Variants in TEKT3 observed in about 807,000 individuals in gnomAD.
The protein encoded by TEKT3 is tektin 3, also known as tektin-3.
TEKT3 carries 49 observed loss-of-function variants against 49.8 expected under a neutral mutation model. That is an observed-to-expected ratio of 0.98 (90% CI 0.78 to 1.25). The LOEUF (loss-of-function observed/expected upper bound fraction) is 1.25. Among genes scored for constraint, TEKT3 ranks in the 50% most tolerant of loss-of-function variants. TEKT3 has a pLI of 0.00. For missense variants in TEKT3, 595 were observed against 629.5 expected, an observed-to-expected ratio of 0.95 and a Z score of 0.59; for synonymous variants, 225 against 237.2, an observed-to-expected ratio of 0.95 and a Z score of 0.47.
intron 8 of TEKT3, among the ~76,000 whole-genome samples, chr17:15,307,991 T>C (rs1910614817): frequency 6.6e-6 from 1 of 152,174 alleles, no homozygotes; most frequent in Non-Finnish European, 1.5e-5. Context: ...TAGTGTTTAG[T>C]AGATAAACTG....
intron 4 of TEKT3, among the ~76,000 whole-genome samples, chr17:15,319,600 A>G: frequency 6.6e-6 from 1 of 152,190 alleles, no homozygotes; most frequent in East Asian, 1.9e-4. Context: ...TATCCTCCAG[A>G]AGACAGTGCT....
At chr17:15,308,931 G>A (rs1910655781) in intron 7 of TEKT3, 113 bp from the exon 8 acceptor site, 1 of 1,317,376 alleles carries the variant, frequency 7.6e-7, no homozygotes, top group South Asian at 1.3e-5. Context: ...CCTCGCTGAT[G>A]AGGAAGTTGC....
chr17:15,317,372 A>C (rs1239905657), intron 5 of TEKT3, among the ~76,000 whole-genome samples: 2 of 152,214 alleles, frequency 1.3e-5, no homozygotes, highest in Non-Finnish European at 2.9e-5. Context: ...ACGAAATAAA[A>C]TGCGAATTAG....
In TEKT3 at chr17:15,306,574, A is replaced by G. The variant is rs896870026; in HGVS notation, c.1256+2090T>C. The stretch of plus-strand genomic sequence containing the variant: ...CAGGAATAGGAAAAAAAAAAAAAAG[A>G]GTAAAAATCATTCAGCTCCTCAGGA... On this transcript the variant is annotated intron_variant, in intron 8 of 8. Transcript: ENST00000395930. 7.3e-5 allele frequency among the ~76,000 whole-genome samples: 11 copies of G among 150,376 alleles called. No homozygotes were observed. In the East Asian group the frequency reaches 2.1e-3, roughly 29 times the overall value.
In TEKT3 at chr17:15,304,680, T is replaced by G. The variant is rs535225787; in HGVS notation, c.1257-528A>C. On this transcript the variant is annotated intron_variant, in intron 8 of 8. Coordinates refer to ENST00000395930, the MANE Select transcript of TEKT3 (RefSeq NM_031898.3). This position sits in a 1 kb window ranked among gnomAD's most constrained non-coding sequence, Gnocchi z 4.7. Reference sequence around the variant, plus strand: ...CTGGCCCCATTCCCCTCTCAGCTCCTTGAGACAGAAGAGTAGAAGCAGAGA... The same window carrying G: ...CTGGCCCCATTCCCCTCTCAGCTCCGTGAGACAGAAGAGTAGAAGCAGAGA... 6.6e-6 allele frequency among the ~76,000 whole-genome samples: 1 copy of G among 152,156 alleles called. No individual in the cohort carries two copies. The highest frequency in any genetic ancestry group is 1.9e-4 in the East Asian group (1 of 5,186).
At chr17:15,333,513 C>T (rs953780149) in intron 2 of TEKT3, among the ~76,000 whole-genome samples, 1 of 152,084 alleles carries the variant, frequency 6.6e-6, no homozygotes, top group Non-Finnish European at 1.5e-5. Context: ...ATGGTAAAAA[C>T]AAAAGCCTTA....
Position 15,308,744 on chromosome 17 carries a change from G to A in TEKT3, c.1176C>T (p.Phe392=), listed in dbSNP as rs369914260. 2.0e-5 allele frequency: 33 copies of A among 1,613,916 alleles called. No individual in the cohort carries two copies. The highest frequency in any genetic ancestry group is 3.4e-6 in the Non-Finnish European group (4 of 1,180,046). ...IKKAIKDKTA[F]LKVAQTRLDE... The stretch of plus-strand genomic sequence containing the variant: ...CCAGTCTGGTCTGAGCCACCTTCAG[G>A]AAGGCAGTCTTGTCCTTGATGGCCT... Residue 392 remains phenylalanine, a synonymous_variant, in exon 8 of 9, where the codon TTC becomes TTT. Coordinates refer to ENST00000395930, the MANE Select transcript of TEKT3 (RefSeq NM_031898.3).
rs1361558258 is a variant in TEKT3, at chr17:15,303,945, G to A, written c.1464C>T (p.Gly488=). The A allele has an allele frequency of 6.2e-7, 1 of 1,613,862 alleles. No homozygotes were observed. The highest frequency in any genetic ancestry group is 8.5e-7 in the Non-Finnish European group (1 of 1,180,014). The change falls in exon 9 of 9, where the codon GGC becomes GGT. Residue 488 remains glycine (G), a synonymous_variant. Transcript: ENST00000395930. ...KSYPNTLRLV[G]FC is the part of the protein sequence containing the mutation. The stretch of plus-strand genomic sequence containing the variant: ...ACACCCGGTGGGGTCCCTAGCAGAA[G>A]CCGACCAGCCGGAGGGTGTTGGGGT...
intron 7 of TEKT3, chr17:15,311,303 A>G (rs1488734603): frequency 6.6e-6 from 1 of 152,228 alleles, no homozygotes; most frequent in African/African-American, 2.4e-5. Flanking sequence ...ATCGTAGGCA[A>G]CATGGCTCAT....
At chr17:15,321,947 C>T (rs1488629120) in intron 4 of TEKT3, among the ~76,000 whole-genome samples, 1 of 152,180 alleles carries the variant, frequency 6.6e-6, no homozygotes, top group South Asian at 2.1e-4. Context: ...AGAGACTTCA[C>T]AGCCTTTTAC....
rs142438638 is a variant in TEKT3 at position 15,306,081 on chromosome 17, TTA to T, written c.1257-1931_1257-1930del. Reference sequence around the variant, plus strand: ...TACAAATAAAGCTACCACAGTTTATTTATATATATGTGTGTGTGTGTGTGTGT... The same window carrying T: ...TACAAATAAAGCTACCACAGTTTATTTATATATGTGTGTGTGTGTGTGTGT... On this transcript the variant is annotated intron_variant, in intron 8 of 8. Coordinates refer to ENST00000395930, the MANE Select transcript of TEKT3 (RefSeq NM_031898.3). Among the ~76,000 whole-genome samples the T allele has an allele frequency of 1.5e-3, 201 of 132,874 alleles. 2 individuals carry two copies. The highest frequency in any genetic ancestry group is 5.3e-3 in the African/African-American group (176 of 33,158). The allele number at this position is 132,874 out of a possible 152,430, so 87.2% of individuals were successfully genotyped here.
At chr17:15,330,829 C>CA (rs1363571906) in intron 3 of TEKT3, among the ~76,000 whole-genome samples, 178 bp downstream of exon 3, 1 of 151,500 alleles carries the variant, frequency 6.6e-6, no homozygotes, top group African/African-American at 2.4e-5. Context: ...GTATATAATG[C>CA]ATTTAAAAAA....
chr17:15,314,258 T>C, intron 5 of TEKT3, 28 bp from the exon 6 acceptor site: 1 of 1,613,570 alleles, frequency 6.2e-7, no homozygotes, highest in Non-Finnish European at 8.5e-7. Flanking sequence ...GAAGTGGAGC[T>C]TCACACTCAG....
At chr17:15,328,418 C>G (rs533265690) in intron 3 of TEKT3, among the ~76,000 whole-genome samples, 1 of 152,264 alleles carries the variant, frequency 6.6e-6, no homozygotes, top group Non-Finnish European at 1.5e-5. Context: ...ACATGAGACA[C>G]AAGTCTTCAA....
chr17:15,342,807 G>A (rs548167343), upstream of TEKT3, among the ~76,000 whole-genome samples: 9 of 152,260 alleles, frequency 5.9e-5, no homozygotes, highest in African/African-American at 2.2e-4. Context: ...CATTTGCCTA[G>A]ACACAAGACT....
intron 1 of TEKT3, among the ~76,000 whole-genome samples, chr17:15,341,111 A>C (rs1912211842): frequency 1.3e-5 from 2 of 152,212 alleles, no homozygotes; most frequent in Non-Finnish European, 2.9e-5. Flanking sequence ...CCGTGGCTGC[A>C]GATCTGAAGG....
In TEKT3 at chr17:15,314,694, C is replaced by T. The variant is rs1480895425; in HGVS notation, c.735-464G>A. Among the ~76,000 whole-genome samples the T allele has an allele frequency of 2.0e-5, 3 of 152,190 alleles. No individual in the cohort carries two copies. The South Asian group carries it at 6.2e-4, about 32-fold the overall frequency. On this transcript the variant is annotated intron_variant, in intron 5 of 8. Coordinates refer to ENST00000395930, the MANE Select transcript of TEKT3 (RefSeq NM_031898.3). Reference sequence around the variant, plus strand: ...TATAAATCCCCAAGAAATCATGAGGCCTTTATAGCCGAGCCTCCTGCCATC... The same window carrying T: ...TATAAATCCCCAAGAAATCATGAGGTCTTTATAGCCGAGCCTCCTGCCATC...
intron 6 of TEKT3, among the ~76,000 whole-genome samples, chr17:15,313,520 C>CT (rs1020337739): frequency 6.8e-6 from 1 of 147,648 alleles, no homozygotes; most frequent in African/African-American, 2.5e-5. Flanking sequence ...TTTTTTTTTT[C>CT]TTTTTTTGAG....
At position 15,304,896 on chromosome 17, in the gene TEKT3, C is replaced by G. The variant is rs557711465; in HGVS notation, c.1257-744G>C. On this transcript the variant is annotated intron_variant, in intron 8 of 8. Coordinates refer to ENST00000395930, the MANE Select transcript of TEKT3 (RefSeq NM_031898.3). This position sits in a 1 kb window ranked among gnomAD's most constrained non-coding sequence, Gnocchi z 4.7. ...TTCTTCCGGAAGTCCCTCCCTTAAA[C>G]CGGAAACCATCTGCTGCCCAGTGTT... Among the ~76,000 whole-genome samples, 1 of 152,308 alleles carries G rather than the reference C, an allele frequency of 6.6e-6. No individual in the cohort carries two copies. Among genetic ancestry groups the G allele is most frequent in the African/African-American group, 2.4e-5 (1 of 41,576 alleles).
Sources: allele counts gnomAD v4.1 joint callset (sites outside exome capture counted in the v4.1 genomes callset), GRCh38; gene constraint gnomAD v4.1.1; non-coding constraint Gnocchi (gnomAD v3.1); transcripts MANE v1.5; gene names NCBI Gene and HGNC (gene_info 2026-07-23, HGNC 2026-07-21).